OXR1: variants seen among roughly 807,000 people sequenced by gnomAD.
The protein encoded by OXR1 is oxidation resistance 1, also known as oxidation resistance protein 1.
Under a neutral mutation model 104.6 loss-of-function variants are expected in OXR1, and 41 were observed. That is an observed-to-expected ratio of 0.39 (90% CI 0.31 to 0.51). The LOEUF (loss-of-function observed/expected upper bound fraction) is 0.51. OXR1 is among the 20% of genes least tolerant of loss of function. The probability of loss-of-function intolerance (pLI) is 0.77; values close to 1 mark genes in which losing one functional copy is unlikely to be tolerated. For synonymous variants in OXR1, 348 were observed against 348.4 expected (o/e 1.00, Z 0.01); for missense variants, 955 against 1,031.9 (o/e 0.93, Z 1.02).
intron 8 of OXR1, among the ~76,000 whole-genome samples, chr8:106,704,696 C>T (rs959750864): frequency 5.3e-5 from 8 of 152,020 alleles, no homozygotes; most frequent in Non-Finnish European, 8.8e-5. Context: ...CGATGCCTGG[C>T]TTTGTCCTTT....
At position 106,752,453 on chromosome 8, in the gene OXR1, A is replaced by C. The variant is rs975477212; in HGVS notation, c.*1512A>C. Reference sequence around the variant, plus strand: ...TATAATATGCTATTGCTGAATATGAATAGAAATACAGGGCATCATTTCCTT... The same window carrying C: ...TATAATATGCTATTGCTGAATATGACTAGAAATACAGGGCATCATTTCCTT... On this transcript the variant is annotated 3_prime_UTR_variant, in exon 17 of 17. Transcript: ENST00000517566. 6.6e-6 allele frequency: 1 copy of C among 152,560 alleles called. No homozygotes were observed. The highest frequency in any genetic ancestry group is 1.5e-5 in the Non-Finnish European group (1 of 67,952). The allele number at this position is 152,560 out of a possible 1,614,324, so 9.5% of individuals were successfully genotyped here.
intron 3 of OXR1, among the ~76,000 whole-genome samples, chr8:106,543,101 A>G (rs1414707041): frequency 1.3e-5 from 2 of 152,148 alleles, no homozygotes; most frequent in Admixed American, 1.3e-4. Flanking sequence ...GAATTTGTAT[A>G]TTGGAGGAGT....
In OXR1 at chr8:106,535,176, G is replaced by A. The variant is rs188437983; in HGVS notation, c.220+16037G>A. Among the ~76,000 whole-genome samples, 1,031 of 152,180 alleles carry A rather than the reference G, an allele frequency of 6.8e-3. 5 individuals are homozygous for A. The highest frequency in any genetic ancestry group is 0.01 in the Middle Eastern group (3 of 294). On this transcript the variant is annotated intron_variant, in intron 3 of 16. Transcript: ENST00000517566. The stretch of plus-strand genomic sequence containing the variant: ...GACGGGGTTTCACTGTTTTTGCCAG[G>A]ATGGTCTCGATCTCCTGACCTCGTA...
intron 3 of OXR1, among the ~76,000 whole-genome samples, chr8:106,577,057 TTAA>T (rs1254977855): frequency 7.2e-5 from 11 of 152,156 alleles, no homozygotes; most frequent in African/African-American, 2.7e-4. Context: ...TGTATGAGCT[TTAA>T]TAATAGTCAT....
At chr8:106,696,795 A>G (rs1411260895) in intron 7 of OXR1, among the ~76,000 whole-genome samples, 4 of 152,068 alleles carry the variant, frequency 2.6e-5, no homozygotes, top group African/African-American at 4.8e-5. Context: ...GCCCCAGACC[A>G]TGGTAGGCAG....
chr8:106,405,011 T>C (rs2130487313), intron 2 of OXR1, among the ~76,000 whole-genome samples: 1 of 152,044 alleles, frequency 6.6e-6, no homozygotes, highest in East Asian at 1.9e-4. Flanking sequence ...TGGATTGAGT[T>C]TCCAATGCAA....
At chr8:106,403,962 G>A (rs1271754374) in intron 2 of OXR1, among the ~76,000 whole-genome samples, 1 of 152,178 alleles carries the variant, frequency 6.6e-6, no homozygotes, top group Non-Finnish European at 1.5e-5. Flanking sequence ...AAAGAGATGT[G>A]AGAGGGGGAG....
chr8:106,739,376 CTTTA>C (rs1463820232), intron 12 of OXR1, 78 bp from the exon 13 acceptor site: 27 of 1,263,042 alleles, frequency 2.1e-5, no homozygotes, highest in Non-Finnish European at 2.6e-5. Context: ...CGATATAAAG[CTTTA>C]TTTATCTGAA....
intron 3 of OXR1, among the ~76,000 whole-genome samples, chr8:106,580,356 T>A (rs1409711857): frequency 6.6e-6 from 1 of 152,224 alleles, no homozygotes; most frequent in Non-Finnish European, 1.5e-5. Flanking sequence ...CTTATTTCAC[T>A]TTGCCTAATA....
chr8:106,360,899 G>A (rs1055257281), intron 2 of OXR1, among the ~76,000 whole-genome samples: 3 of 152,174 alleles, frequency 2.0e-5, no homozygotes, highest in Non-Finnish European at 2.9e-5. Context: ...AGGGGGACAG[G>A]AGGGTTGGGG....
intron 1 of OXR1, among the ~76,000 whole-genome samples, chr8:106,320,340 C>G (rs1814163411): frequency 6.6e-6 from 1 of 152,136 alleles, no homozygotes; most frequent in African/African-American, 2.4e-5. Flanking sequence ...TTAGGTTTCT[C>G]CAAGTATTTG....
rs561985836 is a variant in OXR1, at chr8:106,674,868, T to C, written c.221-4342T>C. Among the ~76,000 whole-genome samples, 98 of 152,334 alleles carry C rather than the reference T, an allele frequency of 6.4e-4. 1 individual carries two copies. Among genetic ancestry groups the C allele is most frequent in the Non-Finnish European group, 1.1e-3 (76 of 68,028 alleles). Reference sequence around the variant, plus strand: ...CCTGGTTCCCCTTTGCCTTCCGCTATGACTTAAGCTGAGGCCTCCCCAGCC... The same window carrying C: ...CCTGGTTCCCCTTTGCCTTCCGCTACGACTTAAGCTGAGGCCTCCCCAGCC... On this transcript the variant is annotated intron_variant, in intron 3 of 16. Coordinates refer to ENST00000517566, the MANE Select transcript of OXR1 (RefSeq NM_001198533.2).
chr8:106,727,550 T>C (rs1411395086), intron 11 of OXR1, among the ~76,000 whole-genome samples: 1 of 152,116 alleles, frequency 6.6e-6, no homozygotes, highest in Non-Finnish European at 1.5e-5. Context: ...GGCAAGTAGC[T>C]GGGACTGCAA....
chr8:106,391,044 G>A (rs543082586), intron 2 of OXR1, among the ~76,000 whole-genome samples: 3 of 152,014 alleles, frequency 2.0e-5, no homozygotes, highest in Non-Finnish European at 2.9e-5. Context: ...TGTGGGGTTC[G>A]CCTTTAAAAA....
intron 3 of OXR1, among the ~76,000 whole-genome samples, chr8:106,649,725 C>A (rs1824391708): frequency 6.6e-6 from 1 of 151,924 alleles, no homozygotes; most frequent in Non-Finnish European, 1.5e-5. Flanking sequence ...GAGATGGAGT[C>A]TCGCTCTGTC....
chr8:106,616,304 G>A (rs536746073), intron 3 of OXR1, among the ~76,000 whole-genome samples: 5 of 131,546 alleles, frequency 3.8e-5, no homozygotes, highest in South Asian at 2.5e-4. Context: ...CTCATGATCC[G>A]CCCACCTCAG....
intron 3 of OXR1, chr8:106,520,588 A>T (rs1322569525): frequency 6.6e-6 from 1 of 152,204 alleles, no homozygotes; most frequent in Non-Finnish European, 1.5e-5. Context: ...TATGGTGTCA[A>T]TGAGACTGTC....
Position 106,480,052 on chromosome 8 carries a change from A to G in OXR1, c.24-38891A>G, listed in dbSNP as rs138711517. Among the ~76,000 whole-genome samples, 15 of 152,088 alleles carry G rather than the reference A, an allele frequency of 9.9e-5. No individual in the cohort carries two copies. In the East Asian group the frequency reaches 2.7e-3, roughly 28 times the overall value. On this transcript the variant is annotated intron_variant, in intron 2 of 16. Transcript: ENST00000517566. ...ACTCCCTGATTTCTCTATGTTTTTA[A>G]CAACTATGGTAGCAATGCCTCAAAT...
At chr8:106,278,726 C>T (rs894063855) in intron 1 of OXR1, among the ~76,000 whole-genome samples, 6 of 152,162 alleles carry the variant, frequency 3.9e-5, no homozygotes, top group African/African-American at 1.4e-4. Context: ...AGAATGTTAA[C>T]AGCCATGATA....
Sources: allele counts gnomAD v4.1 joint callset (sites outside exome capture counted in the v4.1 genomes callset), GRCh38; gene constraint gnomAD v4.1.1; transcripts MANE v1.5; gene names NCBI Gene and HGNC (gene_info 2026-07-23, HGNC 2026-07-21).